Variants in ETS1 observed in about 807,000 individuals in gnomAD.
ETS1 encodes ETS proto-oncogene 1, transcription factor.
In ETS1, 15 loss-of-function variants were observed where a neutral mutation model predicts 58.6. The observed-to-expected ratio is 0.26, with a 90% CI of 0.17 to 0.39. ETS1 has a LOEUF of 0.39. Among genes scored for constraint, ETS1 ranks in the 10% least tolerant of loss-of-function variants. The probability of loss-of-function intolerance (pLI) is 1.00; values close to 1 mark genes in which losing one functional copy is unlikely to be tolerated. For synonymous variants in ETS1, 214 were observed against 218.2 expected, an observed-to-expected ratio of 0.98 and a Z score of 0.17; for missense variants, 417 against 610.5, an observed-to-expected ratio of 0.68 and a Z score of 3.34.
chr11:128,521,134 C>CA (rs149502414), intron 3 of ETS1, among the ~76,000 whole-genome samples: 7,474 of 127,794 alleles, frequency 0.058, 219 homozygotes, highest in South Asian at 0.082. Flanking sequence ...GTGTCAAAGA[C>CA]AAAAAAAAAA....
intron 3 of ETS1, among the ~76,000 whole-genome samples, chr11:128,510,144 T>C (rs1362872771): frequency 6.6e-6 from 1 of 152,212 alleles, no homozygotes; most frequent in Non-Finnish European, 1.5e-5. Flanking sequence ...CACATACACA[T>C]GACTCACCCT....
chr11:128,504,399 A>G (rs1863175434), intron 3 of ETS1, among the ~76,000 whole-genome samples: 1 of 152,228 alleles, frequency 6.6e-6, no homozygotes, highest in South Asian at 2.1e-4. Flanking sequence ...AAAAAGCAGA[A>G]AAGAGGAATT....
rs1478650130 is a variant in ETS1, at chr11:128,535,524, A to T, written c.214+20767T>A. 6.6e-5 allele frequency among the ~76,000 whole-genome samples: 10 copies of T among 152,128 alleles called. No homozygotes were observed. The East Asian group carries it at 1.9e-3, about 29-fold the overall frequency. On this transcript the variant is annotated intron_variant, in intron 3 of 9. Coordinates refer to ENST00000392668, the MANE Select transcript of ETS1 (RefSeq NM_001143820.2). ...CCCGTGCCTGAATGGTATTGCCTAGATTTTCTTCTAGGGTTTTTATTGGAA... is the reference window on the plus strand; with the variant it reads ...CCCGTGCCTGAATGGTATTGCCTAGTTTTTCTTCTAGGGTTTTTATTGGAA...
At chr11:128,501,932 T>C (rs1863099708) in intron 3 of ETS1, among the ~76,000 whole-genome samples, 2 of 151,988 alleles carry the variant, frequency 1.3e-5, no homozygotes, top group Admixed American at 6.6e-5. Flanking sequence ...AGGTGGCTGA[T>C]AGTACAAATG....
chr11:128,467,448 G>A (rs753389523), intron 8 of ETS1, among the ~76,000 whole-genome samples: 10 of 152,176 alleles, frequency 6.6e-5, no homozygotes, highest in South Asian at 2.1e-4. Flanking sequence ...TGTGCTTAGC[G>A]GAGGTCTGCC....
intron 3 of ETS1, among the ~76,000 whole-genome samples, chr11:128,503,248 C>T (rs745541358): frequency 1.3e-5 from 2 of 152,096 alleles, no homozygotes; most frequent in Non-Finnish European, 2.9e-5. Flanking sequence ...TGGGAGGGAA[C>T]TAGTAGCAAA....
rs953616858 is a variant in ETS1, at chr11:128,522,386, C to A, written c.215-31810G>T. 3 of 983,072 alleles carry A rather than the reference C, an allele frequency of 3.1e-6. No homozygotes were observed. The African/African-American group carries it at 5.2e-5, about 17-fold the overall frequency. The allele number at this position is 983,072 out of a possible 1,614,324, so 60.9% of individuals were successfully genotyped here. ...GGGCGTTTCTCGCGGCGCCGCGTCT[C>A]GGCCGCTGGGTCCGCGCGCCCTGGG... On this transcript the variant is annotated intron_variant, in intron 3 of 9. Coordinates refer to ENST00000392668, the MANE Select transcript of ETS1 (RefSeq NM_001143820.2).
rs1305104528 is a variant in ETS1, at chr11:128,522,644, G to A, written c.215-32068C>T. 2.6e-5 allele frequency among the ~76,000 whole-genome samples: 4 copies of A among 152,350 alleles called. No homozygotes were observed. In the East Asian group the frequency reaches 7.7e-4, roughly 29 times the overall value. On this transcript the variant is annotated intron_variant, in intron 3 of 9. Coordinates refer to ENST00000392668, the MANE Select transcript of ETS1 (RefSeq NM_001143820.2). ...AGCGGGTGTGCAGGCTGGGTGCACA[G>A]GCCGCCTCCACCGTTTCGGGAAAGT...
rs528194183 is a variant in ETS1, at chr11:128,459,453, A to G, written c.*2908T>C. On this transcript the variant is annotated 3_prime_UTR_variant, in exon 10 of 10. Coordinates refer to ENST00000392668, the MANE Select transcript of ETS1 (RefSeq NM_001143820.2). ...TACCTCCAATCCCCACAGCCACAAA[A>G]ATCAGGGCTCTATGTAGGGGAAGTC... 4 of 152,894 alleles carry G rather than the reference A, an allele frequency of 2.6e-5. No homozygotes were observed. The highest frequency in any genetic ancestry group is 6.5e-5 in the Admixed American group (1 of 15,302). 9.5% of individuals were successfully genotyped at this position (152,894 alleles called of 1,614,324 possible). A position where few individuals can be genotyped will look rare whatever the true frequency, so the allele number is the denominator to read the frequency against.
At chr11:128,528,791 C>A (rs2135528701) in intron 3 of ETS1, among the ~76,000 whole-genome samples, 1 of 152,326 alleles carries the variant, frequency 6.6e-6, no homozygotes, top group South Asian at 2.1e-4. Context: ...TGACTCATTT[C>A]TAACTAAAAA....
At chr11:128,585,609 G>C (rs1278730362) in intron 1 of ETS1, among the ~76,000 whole-genome samples, 1 of 152,190 alleles carries the variant, frequency 6.6e-6, no homozygotes, top group Non-Finnish European at 1.5e-5. Flanking sequence ...CCCTAGGTGA[G>C]AGGACCTGCA....
chr11:128,522,973 G>C (rs976723312), intron 3 of ETS1, among the ~76,000 whole-genome samples: 4 of 151,990 alleles, frequency 2.6e-5, no homozygotes, highest in African/African-American at 7.2e-5. Flanking sequence ...GGGGAGTCCA[G>C]AACGGGACCC....
intron 3 of ETS1, among the ~76,000 whole-genome samples, chr11:128,499,725 C>T (rs1316349267): frequency 6.6e-6 from 1 of 152,172 alleles, no homozygotes; most frequent in Non-Finnish European, 1.5e-5. Flanking sequence ...CGACAGCAGG[C>T]TCCATTGCAC....
chr11:128,580,856 T>C (rs1299098313), intron 1 of ETS1, among the ~76,000 whole-genome samples: 2 of 152,218 alleles, frequency 1.3e-5, no homozygotes, highest in Non-Finnish European at 2.9e-5. Flanking sequence ...CATATCCATC[T>C]CCTATTTCTC....
intron 2 of ETS1, among the ~76,000 whole-genome samples, chr11:128,560,412 C>G (rs1000212773): frequency 9.8e-5 from 15 of 152,304 alleles, no homozygotes; most frequent in African/African-American, 3.4e-4. Flanking sequence ...CGCGCCCGGC[C>G]GAGATGGTCA....
chr11:128,488,125 G>A (rs1862689671), intron 5 of ETS1, among the ~76,000 whole-genome samples: 1 of 152,124 alleles, frequency 6.6e-6, no homozygotes, highest in South Asian at 2.1e-4. Flanking sequence ...GATCTGTTAG[G>A]AGCCTGCCGT....
At chr11:128,501,194 A>G (rs1437702002) in intron 3 of ETS1, among the ~76,000 whole-genome samples, 1 of 152,156 alleles carries the variant, frequency 6.6e-6, no homozygotes, top group Non-Finnish European at 1.5e-5. Flanking sequence ...CGCTCCACCT[A>G]GAAGCATTCC....
At chr11:128,556,695 C>T (rs1315612166) in intron 2 of ETS1, among the ~76,000 whole-genome samples, 1 of 152,128 alleles carries the variant, frequency 6.6e-6, no homozygotes, top group East Asian at 1.9e-4. Context: ...CTTTTCTGGC[C>T]TTCAAATAAG....
At chr11:128,465,796 T>A (rs1373809041) in intron 8 of ETS1, among the ~76,000 whole-genome samples, 1 of 152,206 alleles carries the variant, frequency 6.6e-6, no homozygotes, top group African/African-American at 2.4e-5. Context: ...CTACACTCGT[T>A]TCCTTCATTC....
Sources: gnomAD v4.1 joint callset for allele counts (sites outside exome capture counted in the v4.1 genomes callset) on GRCh38, gnomAD v4.1.1 for gene constraint, MANE v1.5 for transcripts, NCBI Gene and HGNC (gene_info 2026-07-23, HGNC 2026-07-21) for gene names.